Variants in TRMT5 observed in about 807,000 individuals in gnomAD.
The protein encoded by TRMT5 is tRNA methyltransferase 5.
A neutral mutation model predicts 42.2 loss-of-function variants in TRMT5; 31 were observed. That is an observed-to-expected ratio of 0.73 (90% CI 0.55 to 0.99). The LOEUF (loss-of-function observed/expected upper bound fraction) is 0.99, where lower values mean the gene tolerates loss of function less well. Among genes scored for constraint, TRMT5 ranks in the 50% least tolerant of loss-of-function variants. The pLI is 0.00. For synonymous variants in TRMT5, 198 were observed against 209.6 expected (o/e 0.94, Z 0.48); for missense variants, 568 against 595.0 (o/e 0.95, Z 0.47).
Position 60,976,018 on chromosome 14 carries a change from C to T in TRMT5, c.901G>A (p.Val301Ile), listed in dbSNP as rs149024315. 3.8e-5 allele frequency: 61 copies of T among 1,614,114 alleles called. No individual in the cohort carries two copies. Among genetic ancestry groups the T allele is most frequent in the Non-Finnish European group, 4.9e-5 (58 of 1,180,054 alleles). The part of the protein sequence containing the change: ...RITELLKPGD[V>I]LFDVFAGVGP... ...ACCCCAGCAAAAACATCAAATAGGA[C>T]ATCCCCAGGTTTGAGAAGTTCTGTG... is the stretch of plus-strand genomic sequence containing the variant. The change falls in exon 4 of 5, where the codon GTC becomes ATC. Residue 301 changes from valine (V) to isoleucine (I), a missense_variant. Coordinates refer to ENST00000261249, the MANE Select transcript of TRMT5 (RefSeq NM_020810.3).
intron 1 of TRMT5, 90 bp downstream of exon 1, chr14:60,980,873 C>A: frequency 6.3e-7 from 1 of 1,598,066 alleles, no homozygotes; most frequent in Non-Finnish European, 8.5e-7. Flanking sequence ...CGCGATGTTT[C>A]TGTGCCCAGG....
chr14:60,978,947 TCTCTC>T (rs1555340590), intron 2 of TRMT5, among the ~76,000 whole-genome samples: 1 of 152,142 alleles, frequency 6.6e-6, no homozygotes. Flanking sequence ...ACCAAAAAGA[TCTCTC>T]CTCAATGTAG....
At position 60,979,227 on chromosome 14, in the gene TRMT5, G is replaced by C. The variant is rs144025340; in HGVS notation, c.667+4C>G. 10,039 of 1,592,878 alleles carry C rather than the reference G, an allele frequency of 6.3e-3. 52 individuals are homozygous for C. The highest frequency in any genetic ancestry group is 8.4e-3 in the Middle Eastern group (50 of 5,944). ...ATACATGAATATTACTATGACACAC[G>C]TACCAATTAAATGTTTGAAAGGCAG... On this transcript the variant is annotated splice_donor_region_variant and intron_variant, in intron 2 of 4. Transcript: ENST00000261249.
rs1197137471 is a variant in TRMT5 at position 60,972,484 on chromosome 14, C to T, written c.*2625G>A. 6.2e-6 allele frequency: 3 copies of T among 480,028 alleles called. No homozygotes were observed. The highest frequency in any genetic ancestry group is 8.3e-6 in the Non-Finnish European group (2 of 241,268). The allele number at this position is 480,028 out of a possible 1,614,324, so 29.7% of individuals were successfully genotyped here. A position where few individuals can be genotyped will look rare whatever the true frequency, so the allele number is the denominator to read the frequency against. On this transcript the variant is annotated 3_prime_UTR_variant, in exon 5 of 5. Transcript: ENST00000261249. ...TTGGGCATGGCGGCGGCGGCGGCGG[C>T]GGGATGTGGGCACCGGGTGTGGGAC... is the stretch of plus-strand genomic sequence containing the variant.
chr14:60,975,354 G>A (rs2036830431), intron 4 of TRMT5, 121 bp downstream of exon 4: 1 of 1,380,082 alleles, frequency 7.2e-7, no homozygotes, highest in Admixed American at 2.2e-5. Flanking sequence ...CTATTAGACT[G>A]AACTAACACA....
chr14:60,977,540 A>C lies in TRMT5; in HGVS notation c.766T>G (p.Ser256Ala). 6.2e-7 allele frequency: 1 copy of C among 1,611,354 alleles called. No individual in the cohort carries two copies. The highest frequency in any genetic ancestry group is 1.1e-5 in the South Asian group (1 of 90,644). ...MYRNFQMEVL[S>A]GEQNMMTKVR... Reference sequence around the variant, plus strand: ...TTTGTCATCATGTTCTGCTCTCCAGATAGCACTTCCATTTGGAAATTTCGG... The same window carrying C: ...TTTGTCATCATGTTCTGCTCTCCAGCTAGCACTTCCATTTGGAAATTTCGG... Residue 256 changes from serine to alanine, a missense_variant, in exon 3 of 5, where the codon TCT becomes GCT. Ser to Ala is a moderately conservative substitution (Grantham distance 99). Transcript: ENST00000261249.
upstream of TRMT5, chr14:60,981,670 G>C (rs2037035977): frequency 5.0e-6 from 7 of 1,407,960 alleles, no homozygotes; most frequent in Non-Finnish European, 6.6e-6. Context: ...GCGGCCCTAG[G>C]ATTATGTACT....
Position 60,976,069 on chromosome 14 carries a change from G to A in TRMT5, c.850C>T (p.Arg284Cys), listed in dbSNP as rs143033104. Residue 284 changes from arginine (R) to cysteine (C), a missense_variant, in exon 4 of 5, where the codon CGT becomes TGT. Arg to Cys is a radical substitution (Grantham distance 180). Transcript: ENST00000261249. ...FDFSKVYWNP[R>C]LSTEHSRITE... ...ATACGGCTGTGTTCTGTAGACAGAC[G>A]AGGATTCCAATAGACTTTTGAAAAA... 5.6e-6 allele frequency: 9 copies of A among 1,613,778 alleles called. No homozygotes were observed. The East Asian group carries it at 1.1e-4, about 20-fold the overall frequency.
upstream of TRMT5, chr14:60,981,504 T>G (rs960040780): frequency 5.2e-6 from 8 of 1,534,390 alleles, no homozygotes; most frequent in Non-Finnish European, 7.0e-6. Flanking sequence ...GCCTGAACCC[T>G]GGGGGATGGG....
rs1458103711 is a variant in TRMT5 at position 60,972,113 on chromosome 14, ATGAAG to A, written c.*2991_*2995del. ...CATACCCCTTCCCCCAAAAACAACA[ATGAAG>A]TGTTCTGTGTGCTAACAACATAGCT... On this transcript the variant is annotated 3_prime_UTR_variant, in exon 5 of 5. Coordinates refer to ENST00000261249, the MANE Select transcript of TRMT5 (RefSeq NM_020810.3). 8.3e-6 allele frequency: 3 copies of A among 363,288 alleles called. No homozygotes were observed. Among genetic ancestry groups the A allele is most frequent in the East Asian group, 7.2e-5 (1 of 13,940 alleles). The allele number at this position is 363,288 out of a possible 1,614,324, so 22.5% of individuals were successfully genotyped here.
rs927367367 is a variant in TRMT5 at position 60,972,024 on chromosome 14, A to C, written c.*3085T>G. On this transcript the variant is annotated 3_prime_UTR_variant, in exon 5 of 5. Coordinates refer to ENST00000261249, the MANE Select transcript of TRMT5 (RefSeq NM_020810.3). Reference sequence around the variant, plus strand: ...CTGGGAGCCAAGAGGAAGTCTCTCAAAACTAGAAGGGAAAGATGTTTTCCC... The same window carrying C: ...CTGGGAGCCAAGAGGAAGTCTCTCACAACTAGAAGGGAAAGATGTTTTCCC... 2 of 251,796 alleles carry C rather than the reference A, an allele frequency of 7.9e-6. No homozygotes were observed. Among genetic ancestry groups the C allele is most frequent in the African/African-American group, 4.6e-5 (2 of 43,372 alleles). 15.6% of individuals were successfully genotyped at this position (251,796 alleles called of 1,614,324 possible). A position where few individuals can be genotyped will look rare whatever the true frequency, so the allele number is the denominator to read the frequency against.
chr14:60,976,007 A>T lies in TRMT5; in HGVS notation c.912T>A (p.Asp304Glu). ...CAAAGGGCCCAACCCCAGCAAAAACATCAAATAGGACATCCCCAGGTTTGA... is the reference window on the plus strand; with the variant it reads ...CAAAGGGCCCAACCCCAGCAAAAACTTCAAATAGGACATCCCCAGGTTTGA... The part of the protein sequence containing the change: ...ELLKPGDVLF[D>E]VFAGVGPFAI... The change falls in exon 4 of 5, where the codon GAT (aspartate) becomes GAA (glutamate). Residue 304 changes from aspartate to glutamate, a missense_variant. By Grantham distance (45) the Asp-to-Glu change is conservative (BLOSUM62 2). Coordinates refer to ENST00000261249, the MANE Select transcript of TRMT5 (RefSeq NM_020810.3). 6.2e-7 allele frequency: 1 copy of T among 1,614,248 alleles called. No individual in the cohort carries two copies. The highest frequency in any genetic ancestry group is 8.5e-7 in the Non-Finnish European group (1 of 1,180,044).
rs1485847006 is a variant in TRMT5 at position 60,975,602 on chromosome 14, T to G, written c.1317A>C (p.Leu439Phe). The G allele has an allele frequency of 6.2e-7, 1 of 1,614,088 alleles. No homozygotes were observed. The highest frequency in any genetic ancestry group is 8.5e-7 in the Non-Finnish European group (1 of 1,180,034). Reference protein sequence around the residue: ...EDVRQRAGAVLGISLEACSSV... With the variant: ...EDVRQRAGAVFGISLEACSSV... The stretch of plus-strand genomic sequence containing the variant: ...AACTGCATGCCTCCAGAGAAATGCC[T>G]AACACAGCTCCAGCCCTTTGCCGAA... The change falls in exon 4 of 5, where the codon TTA (leucine) becomes TTC (phenylalanine). Residue 439 changes from leucine (L) to phenylalanine (F), a missense_variant. Coordinates refer to ENST00000261249, the MANE Select transcript of TRMT5 (RefSeq NM_020810.3).
chr14:60,975,762 A>C lies in TRMT5; in HGVS notation c.1157T>G (p.Met386Arg). The change falls in exon 4 of 5, where the codon ATG becomes AGG. Residue 386 changes from methionine to arginine, a missense_variant. By Grantham distance (91) the Met-to-Arg change is moderately conservative (BLOSUM62 -1). Coordinates refer to ENST00000261249, the MANE Select transcript of TRMT5 (RefSeq NM_020810.3). ...CTCTATAGCTTTTGCTGGCAAGTTC[A>C]TGACAACGTGCACAGAGGGTTTTCT... ...KERKPSVHVV[M>R]NLPAKAIEFL... is the part of the protein sequence containing the mutation. 6.2e-7 allele frequency: 1 copy of C among 1,614,252 alleles called. No homozygotes were observed. The highest frequency in any genetic ancestry group is 1.6e-4 in the Middle Eastern group (1 of 6,062).
chr14:60,975,667 A>T lies in TRMT5; in HGVS notation c.1252T>A (p.Cys418Ser). Residue 418 changes from cysteine (C) to serine (S), a missense_variant, in exon 4 of 5, where the codon TGT becomes AGT. By Grantham distance (112) the Cys-to-Ser change is moderately radical. Coordinates refer to ENST00000261249, the MANE Select transcript of TRMT5 (RefSeq NM_020810.3). ...TTAGCATCTTTGGAAAAGCTATAAC[A>T]ATGCACTATGGGAAGGAACTCACTG... Reference protein sequence around the residue: ...CSSEFLPIVHCYSFSKDANPA... With the variant: ...CSSEFLPIVHSYSFSKDANPA... 6.2e-7 allele frequency: 1 copy of T among 1,614,204 alleles called. No homozygotes were observed. Among genetic ancestry groups the T allele is most frequent in the Non-Finnish European group, 8.5e-7 (1 of 1,180,034 alleles).
chr14:60,974,224 C>G lies in TRMT5; in HGVS notation c.*885G>C, dbSNP rs1033894931. 6.6e-6 allele frequency: 1 copy of G among 152,208 alleles called. No homozygotes were observed. Among genetic ancestry groups the G allele is most frequent in the African/African-American group, 2.4e-5 (1 of 41,442 alleles). The allele number at this position is 152,208 out of a possible 1,614,324, so 9.4% of individuals were successfully genotyped here. A position where few individuals can be genotyped will look rare whatever the true frequency, so the allele number is the denominator to read the frequency against. Reference sequence around the variant, plus strand: ...CAAAATGCTGTCGTTACAACCACATCAGTGATTTGTGATGTGTCAAACAGC... The same window carrying G: ...CAAAATGCTGTCGTTACAACCACATGAGTGATTTGTGATGTGTCAAACAGC... On this transcript the variant is annotated 3_prime_UTR_variant, in exon 5 of 5. Transcript: ENST00000261249.
chr14:60,981,652 T>C (rs1393842459), upstream of TRMT5: 4 of 1,434,376 alleles, frequency 2.8e-6, no homozygotes, highest in South Asian at 4.9e-5. Flanking sequence ...GCGAACATGA[T>C]GGGATGAGCG....
chr14:60,981,303 A>C (rs141415779), upstream of TRMT5: 2 of 1,609,626 alleles, frequency 1.2e-6, no homozygotes, highest in Non-Finnish European at 1.7e-6. Flanking sequence ...GGGAGCTTCA[A>C]CGCTGAGCGG....
rs773555974 is a variant in TRMT5 at position 60,972,254 on chromosome 14, A to G, written c.*2855T>C. 3 of 529,574 alleles carry G rather than the reference A, an allele frequency of 5.7e-6. No homozygotes were observed. The highest frequency in any genetic ancestry group is 1.1e-5 in the Non-Finnish European group (3 of 265,864). The allele number at this position is 529,574 out of a possible 1,614,324, so 32.8% of individuals were successfully genotyped here. On this transcript the variant is annotated 3_prime_UTR_variant, in exon 5 of 5. Coordinates refer to ENST00000261249, the MANE Select transcript of TRMT5 (RefSeq NM_020810.3). ...AAAAAATGCACACACTTCACTTGGGATCTCCAGCACCTTCCCGCTCCTTGC... is the reference window on the plus strand; with the variant it reads ...AAAAAATGCACACACTTCACTTGGGGTCTCCAGCACCTTCCCGCTCCTTGC...
Sources: allele counts gnomAD v4.1 joint callset (sites outside exome capture counted in the v4.1 genomes callset), GRCh38; gene constraint gnomAD v4.1.1; transcripts MANE v1.5; gene names NCBI Gene and HGNC (gene_info 2026-07-23, HGNC 2026-07-21).